The following GTF2F2 variants were observed in gnomAD, a reference collection of about 807,000 sequenced individuals.
The protein encoded by GTF2F2 is ATP-dependent helicase GTF2F2.
A neutral mutation model predicts 42.2 loss-of-function variants in GTF2F2; 23 were observed. The observed-to-expected ratio is 0.55, with a 90% CI of 0.39 to 0.77. The LOEUF is 0.77. Ranked by LOEUF, GTF2F2 falls within the 30% of genes least tolerant of loss-of-function variation. The probability of loss-of-function intolerance (pLI) is 0.00; values close to 1 mark genes in which losing one functional copy is unlikely to be tolerated. For missense variants in GTF2F2, 261 were observed against 287.2 expected (o/e 0.91, Z 0.66); for synonymous variants, 105 against 100.8 (o/e 1.04, Z -0.25).
At chr13:45,140,698 G>A (rs1386343861) in intron 2 of GTF2F2, among the ~76,000 whole-genome samples, 1 of 151,992 alleles carries the variant, frequency 6.6e-6, no homozygotes, top group Non-Finnish European at 1.5e-5. Flanking sequence ...TTCCCTCAAT[G>A]TGAAGTTCTT....
chr13:45,147,954 A>G (rs970214145), intron 2 of GTF2F2, among the ~76,000 whole-genome samples: 1 of 152,128 alleles, frequency 6.6e-6, no homozygotes, highest in Admixed American at 6.5e-5. Context: ...TTTTGTTGTT[A>G]TGGCAAGATA....
intron 7 of GTF2F2, among the ~76,000 whole-genome samples, chr13:45,273,437 A>G (rs1876886279): frequency 6.6e-6 from 1 of 152,078 alleles, no homozygotes; most frequent in African/African-American, 2.4e-5. Flanking sequence ...AGTAATATAA[A>G]CAAATGAGTC....
intron 5 of GTF2F2, among the ~76,000 whole-genome samples, chr13:45,213,329 T>C (rs1486912178): frequency 6.6e-6 from 1 of 152,102 alleles, no homozygotes; most frequent in Non-Finnish European, 1.5e-5. Flanking sequence ...TCCACCCGCC[T>C]CGGCCCCTCA....
At chr13:45,191,326 A>ATG (rs1872645494) in intron 4 of GTF2F2, among the ~76,000 whole-genome samples, 1 of 148,604 alleles carries the variant, frequency 6.7e-6, no homozygotes, top group African/African-American at 2.5e-5. Flanking sequence ...AAGAGAATAT[A>ATG]TGTTTGGCTC....
intron 5 of GTF2F2, among the ~76,000 whole-genome samples, chr13:45,223,843 A>G (rs993012875): frequency 1.8e-4 from 28 of 152,350 alleles, no homozygotes; most frequent in African/African-American, 6.5e-4. Flanking sequence ...CTTGACAATT[A>G]TCTCTGTTGG....
chr13:45,249,127 G>A lies in GTF2F2; in HGVS notation c.387-3744G>A, dbSNP rs116640744. Among the ~76,000 whole-genome samples the A allele has an allele frequency of 3.2e-3, 494 of 152,302 alleles. 1 individual carries two copies. Among genetic ancestry groups the A allele is most frequent in the African/African-American group, 0.012 (480 of 41,558 alleles). ...GTACATTGTTCAGTGATGAAATGGA[G>A]TTGCCAGTTGTTCTTGTCACTTCAT... On this transcript the variant is annotated intron_variant, in intron 5 of 7. Coordinates refer to ENST00000340473, the MANE Select transcript of GTF2F2 (RefSeq NM_004128.3).
chr13:45,131,132 C>T (rs535811812), intron 1 of GTF2F2, among the ~76,000 whole-genome samples: 4 of 151,708 alleles, frequency 2.6e-5, no homozygotes, highest in Admixed American at 2.6e-4. Flanking sequence ...CGCTTGAACC[C>T]GGAAGGCAGA....
At chr13:45,121,070 A>G (rs2138078841) in intron 1 of GTF2F2, among the ~76,000 whole-genome samples, 1 of 152,328 alleles carries the variant, frequency 6.6e-6, no homozygotes, top group African/African-American at 2.4e-5. Context: ...GGTTTTAGCC[A>G]TGAGCCTGCG....
At chr13:45,160,912 C>A (rs1039990785) in intron 4 of GTF2F2, among the ~76,000 whole-genome samples, 2 of 152,182 alleles carry the variant, frequency 1.3e-5, no homozygotes, top group East Asian at 3.9e-4. Flanking sequence ...GCTAGCTCAG[C>A]ACTCAACTCA....
chr13:45,159,752 C>T (rs749644298), intron 4 of GTF2F2, among the ~76,000 whole-genome samples: 7 of 152,166 alleles, frequency 4.6e-5, no homozygotes, highest in Non-Finnish European at 7.4e-5. Flanking sequence ...GGATTACAAG[C>T]GTTGGCCACC....
intron 5 of GTF2F2, among the ~76,000 whole-genome samples, chr13:45,239,572 T>C (rs942428633): frequency 9.9e-5 from 15 of 152,210 alleles, no homozygotes; most frequent in Non-Finnish European, 7.3e-5. Context: ...CAAAAACTTG[T>C]GGGTGCTTGT....
chr13:45,187,677 G>A (rs1485209769), intron 4 of GTF2F2, among the ~76,000 whole-genome samples: 3 of 152,104 alleles, frequency 2.0e-5, no homozygotes. Context: ...ACGATAAGTC[G>A]GCTACAGAAG....
At chr13:45,220,083 A>G (rs755260003) in intron 5 of GTF2F2, among the ~76,000 whole-genome samples, 18 of 152,208 alleles carry the variant, frequency 1.2e-4, no homozygotes, top group African/African-American at 4.1e-4. Context: ...ATAGAAGAGT[A>G]CCTGACACCT....
chr13:45,124,247 T>A, intron 1 of GTF2F2: 1 of 295,196 alleles, frequency 3.4e-6, no homozygotes, highest in South Asian at 3.5e-5. Flanking sequence ...CACGCCCGGC[T>A]AATTTTTTGT....
At chr13:45,149,287 A>G (rs946035188) in intron 2 of GTF2F2, among the ~76,000 whole-genome samples, 1 of 151,274 alleles carries the variant, frequency 6.6e-6, no homozygotes, top group Non-Finnish European at 1.5e-5. Flanking sequence ...AAAAAAAAAT[A>G]CAGAAGTTAG....
At chr13:45,194,836 T>C (rs550423280) in intron 4 of GTF2F2, 2 of 448,010 alleles carry the variant, frequency 4.5e-6, no homozygotes, top group South Asian at 9.3e-5. Flanking sequence ...ATGTCTATCC[T>C]TTGAAGTAAT....
intron 7 of GTF2F2, among the ~76,000 whole-genome samples, chr13:45,276,353 A>G (rs1877034465): frequency 6.6e-6 from 1 of 152,198 alleles, no homozygotes. Flanking sequence ...ACAAATTTTC[A>G]TATGAATATA....
intron 3 of GTF2F2, among the ~76,000 whole-genome samples, chr13:45,150,598 A>G (rs1447947513): frequency 1.3e-5 from 2 of 151,804 alleles, no homozygotes; most frequent in Non-Finnish European, 2.9e-5. Flanking sequence ...TAAAGATATA[A>G]AAGATAGTAA....
At chr13:45,124,368 C>T (rs1449608485) in intron 1 of GTF2F2, among the ~76,000 whole-genome samples, 2 of 151,572 alleles carry the variant, frequency 1.3e-5, no homozygotes, top group African/African-American at 4.8e-5. Flanking sequence ...AGGCGTGAGC[C>T]ACTGCACCTG....
Sources: allele counts gnomAD v4.1 joint callset (sites outside exome capture counted in the v4.1 genomes callset), GRCh38; gene constraint gnomAD v4.1.1; transcripts MANE v1.5; gene names NCBI Gene and HGNC (gene_info 2026-07-23, HGNC 2026-07-21).